EXOSC4: variants seen among roughly 807,000 people sequenced by gnomAD.
EXOSC4 encodes the protein exosome component 4, also known as exosome complex component RRP41.
Under a neutral mutation model 20.0 loss-of-function variants are expected in EXOSC4, and 14 were observed. The observed-to-expected ratio is 0.70, with a 90% CI of 0.46 to 1.09. The LOEUF is 1.09. EXOSC4 is among the 50% of genes least tolerant of loss of function. The pLI, the probability that EXOSC4 is intolerant of heterozygous loss-of-function variation, is 0.00. For missense variants in EXOSC4, 337 were observed against 334.0 expected (o/e 1.01, Z -0.07); for synonymous variants, 148 against 146.4 (o/e 1.01, Z -0.08).
upstream of EXOSC4, chr8:144,078,405 G>C (rs1835857401): frequency 4.3e-5 from 10 of 230,670 alleles, no homozygotes. The surrounding 1 kb of genome is among the most constrained non-coding windows in gnomAD (Gnocchi z 4.7). Flanking sequence ...CTCCGGGAAC[G>C]GCTGCGGGCC....
At position 144,078,708 on chromosome 8, in the gene EXOSC4, C is replaced by T. The variant is rs371109781; in HGVS notation, c.-21C>T. On this transcript the variant is annotated 5_prime_UTR_variant, in exon 1 of 3. Transcript: ENST00000316052. The surrounding 1 kb of genome is among the most constrained non-coding windows in gnomAD (Gnocchi z 4.7). Reference sequence around the variant, plus strand: ...GCGGCTCAGAGAAGTAGGCAGAGAGCGGACCTGGCGGCCGGGCAGCATGGC... The same window carrying T: ...GCGGCTCAGAGAAGTAGGCAGAGAGTGGACCTGGCGGCCGGGCAGCATGGC... 123 of 1,416,584 alleles carry T rather than the reference C, an allele frequency of 8.7e-5. 1 individual carries two copies. The African/African-American group carries it at 1.6e-3, about 18-fold the overall frequency. The allele number at this position is 1,416,584 out of a possible 1,614,324, so 87.8% of individuals were successfully genotyped here.
the EXOSC4 span, among the ~76,000 whole-genome samples, chr8:144,071,496 AG>A: frequency 6.8e-6 from 1 of 148,108 alleles, no homozygotes; most frequent in African/African-American, 2.5e-5. Flanking sequence ...TAGTACAGAC[AG>A]GGTTTCACCA....
At chr8:144,078,587 C>T, upstream of EXOSC4, 20 of 930,494 alleles carry the variant, frequency 2.1e-5, 1 homozygote, top group South Asian at 4.1e-4. The surrounding 1 kb of genome is among the most constrained non-coding windows in gnomAD (Gnocchi z 4.7). Context: ...GTCAGGGCCG[C>T]GGAGAGCTGT....
At chr8:144,066,694 T>C in the EXOSC4 span, among the ~76,000 whole-genome samples, 1 of 151,990 alleles carries the variant, frequency 6.6e-6, no homozygotes, top group Non-Finnish European at 1.5e-5. Flanking sequence ...TCCACCCACC[T>C]TGGCCTCCCA....
Position 144,080,564 on chromosome 8 carries a change from A to G in EXOSC4, c.701A>G (p.Gln234Arg), listed in dbSNP as rs782036452. The G allele has an allele frequency of 3.7e-6, 6 of 1,600,032 alleles. No individual in the cohort carries two copies. Among genetic ancestry groups the G allele is most frequent in the Non-Finnish European group, 5.1e-6 (6 of 1,179,904 alleles). ...VHTLLDRVVR[Q>R]HVREASILLG... ...ACCCTCTTAGATCGAGTGGTCCGGC[A>G]GCATGTGCGTGAGGCCTCTATCTTG... The change falls in exon 3 of 3, where the codon CAG becomes CGG. Residue 234 changes from glutamine to arginine, a missense_variant. By Grantham distance (43) the Gln-to-Arg change is conservative. Transcript: ENST00000316052. The surrounding 1 kb of genome is among the most constrained non-coding windows in gnomAD (Gnocchi z 4.9).
intron 1 of EXOSC4, 147 bp downstream of exon 1, chr8:144,079,046 A>T: frequency 1.1e-6 from 1 of 942,436 alleles, no homozygotes; most frequent in Non-Finnish European, 1.4e-6. Flanking sequence ...CACTCGGAGT[A>T]AACGCAAGTC....
rs1449273079 is a variant in EXOSC4 at position 144,078,672 on chromosome 8, G to A, written c.-57G>A. 1.0e-5 allele frequency: 14 copies of A among 1,349,096 alleles called. No homozygotes were observed. The South Asian group carries it at 2.0e-4, about 19-fold the overall frequency. 83.6% of individuals were successfully genotyped at this position (1,349,096 alleles called of 1,614,324 possible). ...CGGGCGGTCGGAGCCGCCGGGAGCT[G>A]TAGTTCTCCCGCGGCTCAGAGAAGT... is the stretch of plus-strand genomic sequence containing the variant. On this transcript the variant is annotated 5_prime_UTR_variant, in exon 1 of 3. Transcript: ENST00000316052. This position sits in a 1 kb window ranked among gnomAD's most constrained non-coding sequence, Gnocchi z 4.7.
the EXOSC4 span, among the ~76,000 whole-genome samples, chr8:144,073,504 C>CA: frequency 1.3e-5 from 2 of 152,130 alleles, no homozygotes; most frequent in Admixed American, 1.3e-4. Flanking sequence ...GCTCCTCCAC[C>CA]AGCACCTCTA....
At chr8:144,069,534 A>G in the EXOSC4 span, among the ~76,000 whole-genome samples, 3 of 151,636 alleles carry the variant, frequency 2.0e-5, no homozygotes. Flanking sequence ...ATCTCCCTCC[A>G]TTTCCCTCCT....
upstream of EXOSC4, chr8:144,078,611 C>G (rs1554762993): frequency 7.7e-6 from 9 of 1,173,648 alleles, no homozygotes; most frequent in Non-Finnish European, 3.4e-6. The surrounding 1 kb of genome is among the most constrained non-coding windows in gnomAD (Gnocchi z 4.7). Context: ...TCCCCGGAAC[C>G]GGAAGTGATG....
the EXOSC4 span, among the ~76,000 whole-genome samples, chr8:144,071,044 A>T: frequency 6.6e-6 from 1 of 151,938 alleles, no homozygotes; most frequent in Non-Finnish European, 1.5e-5. Context: ...AGACACATGG[A>T]ATTGGCCCAG....
rs1835887346 is a variant in EXOSC4, at chr8:144,080,346, A to G, written c.483A>G (p.Ser161=). 2.5e-6 allele frequency: 4 copies of G among 1,613,352 alleles called. No homozygotes were observed. The South Asian group carries it at 4.4e-5, about 18-fold the overall frequency. ...IPMRDFVCAC[S]AGFVDGTALA... is the part of the protein sequence containing the mutation. ...TGAGAGACTTTGTGTGTGCGTGCTC[A>G]GCTGGCTTCGTGGACGGCACAGCCC... Residue 161 remains serine, a synonymous_variant, in exon 3 of 3, where the codon TCA becomes TCG. Transcript: ENST00000316052. This position sits in a 1 kb window ranked among gnomAD's most constrained non-coding sequence, Gnocchi z 4.9.
chr8:144,075,661 C>G (rs1554762649), upstream of EXOSC4, among the ~76,000 whole-genome samples: 1 of 152,198 alleles, frequency 6.6e-6, no homozygotes, highest in Non-Finnish European at 1.5e-5. Flanking sequence ...AGCGCGAGCA[C>G]CGCGTCTGCC....
Position 144,078,761 on chromosome 8 carries a change from C to G in EXOSC4, c.33C>G (p.Gly11=). Residue 11 remains glycine, a synonymous_variant, in exon 1 of 3, where the codon GGC becomes GGG. Transcript: ENST00000316052. This position sits in a 1 kb window ranked among gnomAD's most constrained non-coding sequence, Gnocchi z 4.7. MAGLELLSDQ[G]YRVDGRRAGE... The stretch of plus-strand genomic sequence containing the variant: ...GGCTGGAGCTCTTGTCGGACCAGGG[C>G]TACCGGGTGGACGGGCGGCGCGCCG... 6.6e-7 allele frequency: 1 copy of G among 1,524,634 alleles called. No homozygotes were observed. Among genetic ancestry groups the G allele is most frequent in the South Asian group, 1.3e-5 (1 of 79,742 alleles). The allele number at this position is 1,524,634 out of a possible 1,614,324, so 94.4% of individuals were successfully genotyped here. A position where few individuals can be genotyped will look rare whatever the true frequency, so the allele number is the denominator to read the frequency against.
the EXOSC4 span, among the ~76,000 whole-genome samples, chr8:144,073,454 G>C: frequency 6.6e-6 from 1 of 152,108 alleles, no homozygotes; most frequent in Non-Finnish European, 1.5e-5. Context: ...TCCCAGAACC[G>C]ACACCTACTC....
In EXOSC4 at chr8:144,080,612, AC is replaced by A; in HGVS notation, c.*14del. The stretch of plus-strand genomic sequence containing the variant: ...TTGCTGGGGGACTGACCACCCAGCC[AC>A]CCATGTCCAGAATAAAACCCTCCTC... On this transcript the variant is annotated 3_prime_UTR_variant, in exon 3 of 3. Coordinates refer to ENST00000316052, the MANE Select transcript of EXOSC4 (RefSeq NM_019037.3). This position sits in a 1 kb window ranked among gnomAD's most constrained non-coding sequence, Gnocchi z 4.9. 6.3e-7 allele frequency: 1 copy of A among 1,594,026 alleles called. No individual in the cohort carries two copies. The highest frequency in any genetic ancestry group is 1.3e-5 in the African/African-American group (1 of 74,912).
In EXOSC4 at chr8:144,078,788, G is replaced by A. The variant is rs367830770; in HGVS notation, c.60G>A (p.Gly20=). ...QGYRVDGRRA[G]ELRKIQARMG... ...ACCGGGTGGACGGGCGGCGCGCCGG[G>A]GAGCTGCGCAAGATCCAGGCGCGGA... Residue 20 remains glycine, a synonymous_variant, in exon 1 of 3, where the codon GGG becomes GGA. Coordinates refer to ENST00000316052, the MANE Select transcript of EXOSC4 (RefSeq NM_019037.3). The surrounding 1 kb of genome is among the most constrained non-coding windows in gnomAD (Gnocchi z 4.7). The A allele has an allele frequency of 1.1e-4, 173 of 1,553,550 alleles. No homozygotes were observed. Among genetic ancestry groups the A allele is most frequent in the Middle Eastern group, 5.1e-4 (3 of 5,918 alleles).
chr8:144,073,255 G>A, the EXOSC4 span, among the ~76,000 whole-genome samples: 17 of 152,096 alleles, frequency 1.1e-4, no homozygotes, highest in South Asian at 2.1e-4. Flanking sequence ...GCGTGGTGGC[G>A]GGCGCCTGTA....
rs1554763072 is a variant in EXOSC4, at chr8:144,078,802, T to G, written c.74T>G (p.Ile25Ser). The stretch of plus-strand genomic sequence containing the variant: ...CGGCGCGCCGGGGAGCTGCGCAAGA[T>G]CCAGGCGCGGATGGGCGTGTTCGCG... ...DGRRAGELRK[I>S]QARMGVFAQA... The change falls in exon 1 of 3, where the codon ATC becomes AGC. Residue 25 changes from isoleucine to serine, a missense_variant. By Grantham distance (142) the Ile-to-Ser change is moderately radical. Transcript: ENST00000316052. This position sits in a 1 kb window ranked among gnomAD's most constrained non-coding sequence, Gnocchi z 4.7. 1.3e-6 allele frequency: 2 copies of G among 1,573,262 alleles called. No individual in the cohort carries two copies. The highest frequency in any genetic ancestry group is 4.9e-5 in the East Asian group (2 of 40,422).
Sources: allele counts gnomAD v4.1 joint callset (sites outside exome capture counted in the v4.1 genomes callset), GRCh38; gene constraint gnomAD v4.1.1; non-coding constraint Gnocchi (gnomAD v3.1); transcripts MANE v1.5; gene names NCBI Gene and HGNC (gene_info 2026-07-23, HGNC 2026-07-21).